The following PCDHA2 variants were observed in gnomAD, a reference collection of about 807,000 sequenced individuals.
PCDHA2 encodes protocadherin alpha 2.
A neutral mutation model predicts 66.0 loss-of-function variants in PCDHA2; 58 were observed. That is an observed-to-expected ratio of 0.88 (90% CI 0.71 to 1.09). The LOEUF (loss-of-function observed/expected upper bound fraction) is 1.09. Among genes scored for constraint, PCDHA2 ranks in the 50% least tolerant of loss-of-function variants. The pLI is 0.00. For missense variants in PCDHA2, 1,267 were observed against 1,242.3 expected, an observed-to-expected ratio of 1.02 and a Z score of -0.30; for synonymous variants, 634 against 554.0, an observed-to-expected ratio of 1.14 and a Z score of -2.03.
At chr5:140,863,236 G>A (rs782784210) in intron 1 of PCDHA2, 6 of 1,282,274 alleles carry the variant, frequency 4.7e-6, no homozygotes, top group Non-Finnish European at 4.4e-6. Context: ...CCCATCGCGG[G>A]CTTTGGCGGG....
intron 1 of PCDHA2, chr5:140,829,680 T>C (rs1554132158): frequency 1.9e-6 from 3 of 1,613,098 alleles, no homozygotes; most frequent in African/African-American, 1.3e-5. Context: ...GAGCTAGAGC[T>C]GCTGCAGTTT....
chr5:140,927,666 G>C, intron 1 of PCDHA2: 1 of 1,614,180 alleles, frequency 6.2e-7, no homozygotes, highest in Non-Finnish European at 8.5e-7. Context: ...TTCAAGCCTT[G>C]GATCCAGATG....
intron 1 of PCDHA2, chr5:140,854,705 T>A (rs1409807504): frequency 2.7e-5 from 4 of 150,008 alleles, no homozygotes; most frequent in Non-Finnish European, 4.5e-5. Context: ...TTTCCTTTCT[T>A]GGAAAGACAG....
Position 140,796,585 on chromosome 5 carries a change from G to T in PCDHA2, c.1621G>T (p.Gly541Cys). ...LQFQVSARDAGVPPLGSNVTL... is the reference protein window; with the variant it reads ...LQFQVSARDACVPPLGSNVTL... ...GTTCCAGGTGAGCGCGCGGGATGCGGGCGTGCCGCCTCTGGGCAGCAACGT... is the reference window on the plus strand; with the variant it reads ...GTTCCAGGTGAGCGCGCGGGATGCGTGCGTGCCGCCTCTGGGCAGCAACGT... The change falls in exon 1 of 4, where the codon GGC (glycine) becomes TGC (cysteine). Residue 541 changes from glycine (G) to cysteine (C), a missense_variant. Transcript: ENST00000526136. 3.1e-6 allele frequency: 5 copies of T among 1,613,378 alleles called. No homozygotes were observed. Among genetic ancestry groups the T allele is most frequent in the Non-Finnish European group, 4.2e-6 (5 of 1,179,874 alleles).
intron 1 of PCDHA2, chr5:140,823,507 G>A: frequency 6.2e-6 from 10 of 1,613,354 alleles, no homozygotes; most frequent in East Asian, 2.2e-5. Flanking sequence ...CGCAGTGAGC[G>A]AGCTGGTGCC....
At chr5:140,945,024 A>G (rs1554216669) in intron 1 of PCDHA2, among the ~76,000 whole-genome samples, 1 of 152,122 alleles carries the variant, frequency 6.6e-6, no homozygotes, top group Non-Finnish European at 1.5e-5. Flanking sequence ...TTTTACTCAG[A>G]CATAATTATC....
At chr5:140,993,459 TTCTCAC>T (rs2097559303) in intron 3 of PCDHA2, among the ~76,000 whole-genome samples, 1 of 83,038 alleles carries the variant, frequency 1.2e-5, no homozygotes, top group African/African-American at 4.6e-5. Context: ...CCTTCTTTCT[TTCTCAC>T]ACACACACAC....
intron 1 of PCDHA2, among the ~76,000 whole-genome samples, chr5:140,970,841 C>T (rs782138970): frequency 2.0e-5 from 3 of 150,352 alleles, no homozygotes; most frequent in African/African-American, 7.5e-5. Context: ...ATGTAATGCA[C>T]AGGCACAAAA....
At chr5:140,980,595 A>G (rs2096897056) in intron 2 of PCDHA2, among the ~76,000 whole-genome samples, 1 of 152,222 alleles carries the variant, frequency 6.6e-6, no homozygotes, top group South Asian at 2.1e-4. Context: ...GAGCCACTGC[A>G]CTCCAGCCTG....
chr5:141,010,285 C>G lies in PCDHA2; in HGVS notation c.*348C>G, dbSNP rs1214485732. ...CTCCGGGGATCCTGTCTTGATGACA[C>G]TTGCAGGGCAGGCTGAAAAGTTTTG... On this transcript the variant is annotated 3_prime_UTR_variant, in exon 4 of 4. Transcript: ENST00000526136. 1.3e-6 allele frequency: 2 copies of G among 1,550,576 alleles called. No individual in the cohort carries two copies. Among genetic ancestry groups the G allele is most frequent in the Non-Finnish European group, 1.7e-6 (2 of 1,146,690 alleles).
intron 1 of PCDHA2, among the ~76,000 whole-genome samples, chr5:140,838,525 T>C (rs1165394742): frequency 6.6e-6 from 1 of 151,996 alleles, no homozygotes; most frequent in Non-Finnish European, 1.5e-5. Flanking sequence ...CATCTTATTT[T>C]CTTTTATGGA....
chr5:140,918,503 C>G (rs2078725431), intron 1 of PCDHA2, among the ~76,000 whole-genome samples: 1 of 152,056 alleles, frequency 6.6e-6, no homozygotes, highest in Non-Finnish European at 1.5e-5. Flanking sequence ...GGTACCAATC[C>G]TTTTAAACTT....
chr5:140,841,468 G>A, intron 1 of PCDHA2: 1 of 1,612,986 alleles, frequency 6.2e-7, no homozygotes, highest in Non-Finnish European at 8.5e-7. Context: ...GCCGGATCGC[G>A]CAGGACCTGG....
At chr5:140,988,571 C>T (rs1438476188) in intron 3 of PCDHA2, among the ~76,000 whole-genome samples, 7 of 152,168 alleles carry the variant, frequency 4.6e-5, no homozygotes, top group Non-Finnish European at 1.0e-4. Flanking sequence ...TGGGAAAACA[C>T]TCTGTACCTT....
At position 140,969,365 on chromosome 5, in the gene PCDHA2, C is replaced by T. The variant is rs190730712; in HGVS notation, c.2389-9584C>T. The T allele has an allele frequency of 5.3e-5, 86 of 1,610,040 alleles. No homozygotes were observed. The African/African-American group carries it at 9.2e-4, about 17-fold the overall frequency. On this transcript the variant is annotated intron_variant, in intron 1 of 3. Transcript: ENST00000526136. ...GTGGTCAGGGGGTCTTCTACAAACT[C>T]ATGCATTTGTTACACATCCCCCAAT...
intron 1 of PCDHA2, among the ~76,000 whole-genome samples, chr5:140,799,843 A>G (rs559940756): frequency 9.1e-4 from 138 of 152,200 alleles, no homozygotes; most frequent in African/African-American, 3.2e-3. Context: ...AAATTTGTAC[A>G]TTATTTTATT....
intron 1 of PCDHA2, among the ~76,000 whole-genome samples, chr5:140,872,922 T>C (rs1468048382): frequency 6.6e-6 from 1 of 152,218 alleles, no homozygotes; most frequent in African/African-American, 2.4e-5. Flanking sequence ...ATGCCTTATC[T>C]CTAATGTTTT....
At chr5:140,877,909 C>G in intron 1 of PCDHA2, 4 of 1,432,580 alleles carry the variant, frequency 2.8e-6, no homozygotes, top group Non-Finnish European at 3.7e-6. Context: ...TAACTACATT[C>G]TCTCATTTTT....
At chr5:140,836,232 G>A in intron 1 of PCDHA2, 5 of 1,613,788 alleles carry the variant, frequency 3.1e-6, no homozygotes, top group East Asian at 2.2e-5. Context: ...GGTGGCGGCC[G>A]GTGCGAGCAT....
Sources: gnomAD v4.1 joint callset for allele counts (sites outside exome capture counted in the v4.1 genomes callset) on GRCh38, gnomAD v4.1.1 for gene constraint, MANE v1.5 for transcripts, NCBI Gene and HGNC (gene_info 2026-07-23, HGNC 2026-07-21) for gene names.